FNBP4: variants seen among roughly 807,000 people sequenced by gnomAD.
FNBP4 encodes the protein formin binding protein 4.
Under a neutral mutation model 119.3 loss-of-function variants are expected in FNBP4, and 34 were observed. The observed-to-expected ratio is 0.28, with a 90% confidence interval of 0.22 to 0.38. The LOEUF is 0.38. Among genes scored for constraint, FNBP4 ranks in the 10% least tolerant of loss-of-function variants. FNBP4 has a pLI of 1.00. For synonymous variants in FNBP4, 462 were observed against 430.6 expected (o/e 1.07, Z -0.90); for missense variants, 1,112 against 1,228.9 (o/e 0.90, Z 1.42).
At position 47,731,486 on chromosome 11, in the gene FNBP4, T is replaced by C. The variant is rs566452877; in HGVS notation, c.1896A>G (p.Glu632=). 6.3e-5 allele frequency: 101 copies of C among 1,613,990 alleles called. No homozygotes were observed. In the Admixed American group the frequency reaches 1.5e-3, roughly 23 times the overall value. ...SQWEFPDGEE[E]EEESQAQENR... Reference sequence around the variant, plus strand: ...TTTCTTGTGCTTGGCTTTCTTCTTCTTCCTCTTCACCATCTGGAAACTCCC... The same window carrying C: ...TTTCTTGTGCTTGGCTTTCTTCTTCCTCCTCTTCACCATCTGGAAACTCCC... The change falls in exon 12 of 17, where the codon GAA becomes GAG. Residue 632 remains glutamate, a synonymous_variant. Coordinates refer to ENST00000263773, the MANE Select transcript of FNBP4 (RefSeq NM_015308.5).
chr11:47,746,637 C>T (rs1280221532), intron 6 of FNBP4, among the ~76,000 whole-genome samples: 1 of 151,986 alleles, frequency 6.6e-6, no homozygotes, highest in African/African-American at 2.4e-5. Context: ...GTCTCAGCCT[C>T]CCAAGTAGCT....
intron 3 of FNBP4, among the ~76,000 whole-genome samples, chr11:47,754,193 T>G (rs2097610785): frequency 7.0e-6 from 1 of 142,354 alleles, no homozygotes; most frequent in African/African-American, 2.6e-5. Context: ...GGCAACAGAG[T>G]GAGATTCTAT....
rs2097550206 is a variant in FNBP4 at position 47,716,671 on chromosome 11, A to C, written c.*751T>G. On this transcript the variant is annotated 3_prime_UTR_variant, in exon 17 of 17. Coordinates refer to ENST00000263773, the MANE Select transcript of FNBP4 (RefSeq NM_015308.5). ...GATACAACAGAAAGTACAGAACAGT[A>C]AACTGCTTTTTAAATACTGGAATTT... 6.6e-6 allele frequency: 1 copy of C among 152,656 alleles called. No individual in the cohort carries two copies. The allele number at this position is 152,656 out of a possible 1,614,324, so 9.5% of individuals were successfully genotyped here. A position where few individuals can be genotyped will look rare whatever the true frequency, so the allele number is the denominator to read the frequency against.
At chr11:47,749,941 T>C (rs1180916498) in intron 6 of FNBP4, among the ~76,000 whole-genome samples, 2 of 152,202 alleles carry the variant, frequency 1.3e-5, no homozygotes, top group African/African-American at 4.8e-5. Context: ...AGTAGTTACC[T>C]TTATATTTTT....
intron 4 of FNBP4, 151 bp from the exon 5 acceptor site, chr11:47,751,441 G>A (rs2097603658): frequency 1.2e-6 from 1 of 826,480 alleles, no homozygotes; most frequent in South Asian, 1.7e-5. Context: ...AATCCTATGT[G>A]GAGGTTTTAG....
At chr11:47,758,246 G>A (rs1318565501) in intron 2 of FNBP4, among the ~76,000 whole-genome samples, 1 of 152,058 alleles carries the variant, frequency 6.6e-6, no homozygotes, top group African/African-American at 2.4e-5. Flanking sequence ...CACTGCGCCT[G>A]GCTAACTTTG....
intron 2 of FNBP4, among the ~76,000 whole-genome samples, chr11:47,755,264 A>G (rs1229847862): frequency 6.6e-6 from 1 of 152,052 alleles, no homozygotes; most frequent in Non-Finnish European, 1.5e-5. Flanking sequence ...AGCCTGACCA[A>G]CATGGAGAAA....
rs115596657 is a variant in FNBP4, at chr11:47,738,254, C to G, written c.1457-1514G>C. Among the ~76,000 whole-genome samples the G allele has an allele frequency of 5.8e-3, 882 of 152,276 alleles. 9 individuals are homozygous for G. The highest frequency in any genetic ancestry group is 0.02 in the African/African-American group (846 of 41,566). On this transcript the variant is annotated intron_variant, in intron 8 of 16. Transcript: ENST00000263773. ...GCATACTCAAACTAATTCACACAGT[C>G]TGAATGACTGCCAGTTAAAAAGCCA...
chr11:47,724,537 G>A lies in FNBP4; in HGVS notation c.2250C>T (p.Pro750=). Residue 750 remains proline, a synonymous_variant, in exon 13 of 17, where the codon CCC becomes CCT. Coordinates refer to ENST00000263773, the MANE Select transcript of FNBP4 (RefSeq NM_015308.5). ...TATCTTCCTCTGTTCCTGGGGCAGG[G>A]GGCTCCTCACTTCCCTCATCCTCCA... The part of the protein sequence containing the change: ...VEMEDEGSEE[P]PAPGTEEDTP... 2 of 1,614,142 alleles carry A rather than the reference G, an allele frequency of 1.2e-6. No individual in the cohort carries two copies. The highest frequency in any genetic ancestry group is 2.2e-5 in the South Asian group (2 of 91,080).
intron 3 of FNBP4, 85 bp from the exon 4 acceptor site, chr11:47,753,187 T>C (rs1218092623): frequency 9.5e-6 from 11 of 1,161,970 alleles, no homozygotes; most frequent in Non-Finnish European, 1.2e-5. Context: ...TTAAAAATTC[T>C]ACATGAGCCG....
chr11:47,751,809 G>A (rs893138709), intron 4 of FNBP4, among the ~76,000 whole-genome samples: 2 of 151,942 alleles, frequency 1.3e-5, no homozygotes, highest in African/African-American at 2.4e-5. Flanking sequence ...AAAATTGGGC[G>A]TGGTGGTGCG....
chr11:47,761,844 T>C (rs1279450665), intron 2 of FNBP4, among the ~76,000 whole-genome samples: 2 of 145,136 alleles, frequency 1.4e-5, no homozygotes, highest in Non-Finnish European at 3.0e-5. Flanking sequence ...ATTTAATTTC[T>C]TTTTTTTTTT....
chr11:47,745,366 G>GA (rs2097588347), intron 7 of FNBP4, among the ~76,000 whole-genome samples: 1 of 152,024 alleles, frequency 6.6e-6, no homozygotes, highest in Admixed American at 6.6e-5. Flanking sequence ...CCTGGGGAAG[G>GA]AATGCATTCC....
chr11:47,767,304 G>C lies in FNBP4; in HGVS notation c.-16C>G, dbSNP rs763513113. 3 of 1,482,964 alleles carry C rather than the reference G, an allele frequency of 2.0e-6. No individual in the cohort carries two copies. Among genetic ancestry groups the C allele is most frequent in the South Asian group, 2.6e-5 (2 of 76,606 alleles). The allele number at this position is 1,482,964 out of a possible 1,614,324, so 91.9% of individuals were successfully genotyped here. On this transcript the variant is annotated 5_prime_UTR_variant, in exon 1 of 17. Transcript: ENST00000263773. ...TCTTCCCCATCGCGAGCCCAAGCGC[G>C]AGCAGAGAGCGTCGGGCGGCCGAGA... is the stretch of plus-strand genomic sequence containing the variant.
chr11:47,754,592 T>G lies in FNBP4; in HGVS notation c.386A>C (p.Gln129Pro). 6.2e-7 allele frequency: 1 copy of G among 1,614,186 alleles called. No homozygotes were observed. The highest frequency in any genetic ancestry group is 8.5e-7 in the Non-Finnish European group (1 of 1,180,028). The change falls in exon 3 of 17, where the codon CAA becomes CCA. Residue 129 changes from glutamine to proline, a missense_variant. Gln to Pro is a moderately conservative substitution (Grantham distance 76, BLOSUM62 -1). Transcript: ENST00000263773. ...DDNDVSEKLA[Q>P]SKETNGNQST... ...CTGGTTTCCATTTGTCTCTTTGGAT[T>G]GTGCTAGTTTTTCGGAAACATCATT...
At chr11:47,756,231 CAATAT>C (rs1270393881) in intron 2 of FNBP4, among the ~76,000 whole-genome samples, 2 of 152,010 alleles carry the variant, frequency 1.3e-5, no homozygotes, top group African/African-American at 4.8e-5. Context: ...TTACAATTAA[CAATAT>C]AATACATAGA....
chr11:47,752,526 C>T (rs928973194), intron 4 of FNBP4, among the ~76,000 whole-genome samples: 1 of 151,538 alleles, frequency 6.6e-6, no homozygotes, highest in Non-Finnish European at 1.5e-5. Context: ...AACTGAATGC[C>T]AGCCGGGAGC....
At chr11:47,750,439 C>T (rs375810942) in intron 6 of FNBP4, among the ~76,000 whole-genome samples, 1 of 138,394 alleles carries the variant, frequency 7.2e-6, no homozygotes, top group South Asian at 2.3e-4. Context: ...CTTGTAATCC[C>T]AGCACTCTGG....
chr11:47,726,365 G>C (rs1232966047), intron 12 of FNBP4: 1 of 149,898 alleles, frequency 6.7e-6, no homozygotes, highest in Non-Finnish European at 1.5e-5. Context: ...TTCCCGAATT[G>C]CTAGGACTAC....
Sources: allele counts gnomAD v4.1 joint callset (sites outside exome capture counted in the v4.1 genomes callset), GRCh38; gene constraint gnomAD v4.1.1; transcripts MANE v1.5; gene names NCBI Gene and HGNC (gene_info 2026-07-23, HGNC 2026-07-21).